IPO11: variants seen among roughly 807,000 people sequenced by gnomAD.
The protein encoded by IPO11 is importin-11.
Under a neutral mutation model 143.2 loss-of-function variants are expected in IPO11, and 66 were observed. That is an observed-to-expected ratio of 0.46 (90% CI 0.38 to 0.57). IPO11 has a LOEUF of 0.57. Among genes scored for constraint, IPO11 ranks in the 20% least tolerant of loss-of-function variants. The pLI is 0.00. For missense variants in IPO11, 1,026 were observed against 1,141.0 expected (o/e 0.90, Z 1.45); for synonymous variants, 385 against 377.8 (o/e 1.02, Z -0.22).
At chr5:62,537,166 A>G in intron 23 of IPO11, 43 bp from the exon 24 acceptor site, 11 of 1,134,310 alleles carry the variant, frequency 9.7e-6, no homozygotes, top group Non-Finnish European at 1.3e-5. Context: ...TTTTGATATT[A>G]CAGATATATT....
At chr5:62,487,914 A>G in intron 13 of IPO11, 53 bp downstream of exon 13, 2 of 1,495,986 alleles carry the variant, frequency 1.3e-6, no homozygotes, top group South Asian at 2.4e-5. Context: ...CGTTTAGTTA[A>G]GAAATAGTCT....
chr5:62,495,315 T>C (rs1741097385), intron 16 of IPO11, among the ~76,000 whole-genome samples: 1 of 152,250 alleles, frequency 6.6e-6, no homozygotes, highest in African/African-American at 2.4e-5. Flanking sequence ...GTAATAACTT[T>C]AGAATAAAGC....
chr5:62,420,165 C>T (rs1280921411), intron 1 of IPO11, among the ~76,000 whole-genome samples: 1 of 151,772 alleles, frequency 6.6e-6, no homozygotes, highest in East Asian at 1.9e-4. Context: ...GTGGCACACA[C>T]CTGTAATCCC....
At chr5:62,488,311 A>G (rs1746484802) in intron 13 of IPO11, among the ~76,000 whole-genome samples, 1 of 152,228 alleles carries the variant, frequency 6.6e-6, no homozygotes, top group African/African-American at 2.4e-5. Context: ...CTATTAACTA[A>G]CATTGATTTA....
At chr5:62,624,654 G>A (rs972777578) in intron 29 of IPO11, among the ~76,000 whole-genome samples, 2 of 152,072 alleles carry the variant, frequency 1.3e-5, no homozygotes, top group Admixed American at 6.5e-5. Context: ...ATGCAGCCCA[G>A]TAGGTCTCCA....
At chr5:62,530,886 A>C (rs1742520112) in intron 22 of IPO11, 101 bp downstream of exon 22, 1 of 854,740 alleles carries the variant, frequency 1.2e-6, no homozygotes, top group African/African-American at 1.7e-5. Flanking sequence ...TTGTAAGTTC[A>C]ACTTCTAGTT....
At chr5:62,604,253 G>C (rs1041955001) in intron 29 of IPO11, among the ~76,000 whole-genome samples, 7 of 152,270 alleles carry the variant, frequency 4.6e-5, no homozygotes, top group African/African-American at 1.7e-4. Flanking sequence ...CTATCACCCA[G>C]GCTGGAGTGC....
In IPO11 at chr5:62,471,059, C is replaced by T. The variant is rs112195550; in HGVS notation, c.708+751C>T. ...GCCAGGCTGGTCTTGAACTCCTGGC[C>T]TCAAGTGATCTGCCCTTTTTGGCTT... On this transcript the variant is annotated intron_variant, in intron 7 of 29. Coordinates refer to ENST00000325324, the MANE Select transcript of IPO11 (RefSeq NM_016338.5). 3.3e-3 allele frequency among the ~76,000 whole-genome samples: 493 copies of T among 151,228 alleles called. 4 individuals are homozygous for T. The highest frequency in any genetic ancestry group is 0.011 in the African/African-American group (464 of 41,238).
intron 3 of IPO11, 38 bp downstream of exon 3, chr5:62,443,121 C>A: frequency 2.3e-6 from 3 of 1,321,658 alleles, no homozygotes; most frequent in South Asian, 1.3e-5. Context: ...TGAGTATAAT[C>A]CTTCCCAAAT....
chr5:62,580,098 A>G (rs1462107411), intron 27 of IPO11: 21 of 1,551,112 alleles, frequency 1.4e-5, no homozygotes, highest in East Asian at 2.4e-5. Context: ...CAAAAGTACC[A>G]TCAAATGCCT....
chr5:62,593,254 A>G (rs1745099793), intron 28 of IPO11, among the ~76,000 whole-genome samples: 1 of 152,212 alleles, frequency 6.6e-6, no homozygotes, highest in Admixed American at 6.5e-5. Flanking sequence ...GAACAAAATT[A>G]TAACATGTTT....
chr5:62,611,967 A>T (rs545773215), intron 29 of IPO11, among the ~76,000 whole-genome samples: 201 of 152,282 alleles, frequency 1.3e-3, no homozygotes, highest in South Asian at 2.9e-3. Context: ...CATTTTGAAG[A>T]AATTGATTTT....
intron 29 of IPO11, among the ~76,000 whole-genome samples, chr5:62,625,456 T>A (rs567886222): frequency 6.6e-6 from 1 of 152,216 alleles, no homozygotes; most frequent in Non-Finnish European, 1.5e-5. Context: ...ATCTGGCTAT[T>A]AACACTTCAT....
chr5:62,440,048 C>T (rs1025899567), intron 2 of IPO11, among the ~76,000 whole-genome samples: 9 of 152,212 alleles, frequency 5.9e-5, no homozygotes, highest in Admixed American at 4.6e-4. Context: ...CATTCGTTCA[C>T]TCATTTGCTC....
rs13170199 is a variant in IPO11, at chr5:62,613,123, T to A, written c.2763+11275T>A. ...TGAGTGAGACTAAGAATTTTTTAGATGTTTATAGCTCATTGATATTTTTTT... is the reference window on the plus strand; with the variant it reads ...TGAGTGAGACTAAGAATTTTTTAGAAGTTTATAGCTCATTGATATTTTTTT... On this transcript the variant is annotated intron_variant, in intron 29 of 29. Transcript: ENST00000325324. Among the ~76,000 whole-genome samples the A allele has an allele frequency of 1.5e-4, 23 of 152,276 alleles. No individual in the cohort carries two copies. In the East Asian group the frequency reaches 4.2e-3, roughly 28 times the overall value.
At chr5:62,468,556 A>G (rs1033106854) in intron 6 of IPO11, among the ~76,000 whole-genome samples, 3 of 152,234 alleles carry the variant, frequency 2.0e-5, no homozygotes, top group African/African-American at 4.8e-5. Flanking sequence ...TTGGAGAGAA[A>G]TGTTTGCTCA....
chr5:62,589,987 A>G (rs1454022562), intron 27 of IPO11, among the ~76,000 whole-genome samples: 1 of 152,180 alleles, frequency 6.6e-6, no homozygotes, highest in African/African-American at 2.4e-5. Flanking sequence ...TTCTCAGCAC[A>G]GTAAGGTCGA....
At chr5:62,586,526 T>C (rs1744779022) in intron 27 of IPO11, among the ~76,000 whole-genome samples, 1 of 151,862 alleles carries the variant, frequency 6.6e-6, no homozygotes, top group Non-Finnish European at 1.5e-5. Flanking sequence ...AAAATATATC[T>C]TCATCACCTG....
chr5:62,467,015 G>T, intron 5 of IPO11, 116 bp from the exon 6 acceptor site: 1 of 923,594 alleles, frequency 1.1e-6, no homozygotes, highest in South Asian at 1.8e-5. Flanking sequence ...GACTATTTCA[G>T]ATCTCTCAGA....
Sources: allele counts gnomAD v4.1 joint callset (sites outside exome capture counted in the v4.1 genomes callset), GRCh38; gene constraint gnomAD v4.1.1; transcripts MANE v1.5; gene names NCBI Gene and HGNC (gene_info 2026-07-23, HGNC 2026-07-21).